The following S100Z variants were observed in gnomAD, a reference collection of about 807,000 sequenced individuals.
S100Z encodes the protein S100 calcium binding protein Z, also known as protein S100-Z.
Under a neutral mutation model 8.5 loss-of-function variants are expected in S100Z, and 11 were observed. The ratio of observed to expected loss-of-function variants is 1.30; its 90% CI spans 0.82 to 2.15. The LOEUF is 2.15. Ranked by LOEUF, S100Z falls within the 30% of genes most tolerant of loss-of-function variation. The pLI is 0.00. For missense variants in S100Z, 126 were observed against 117.9 expected (o/e 1.07, Z -0.32); for synonymous variants, 34 against 43.8 (o/e 0.78, Z 0.89).
intron 3 of S100Z, 31 bp downstream of exon 3, chr5:76,875,531 AT>A: frequency 6.3e-7 from 1 of 1,577,188 alleles, no homozygotes. Context: ...TGCTGTATTC[AT>A]TTGAGGGTAG....
chr5:76,921,177 AT>A lies in S100Z; in HGVS notation c.*464del, dbSNP rs1243424244. On this transcript the variant is annotated 3_prime_UTR_variant, in exon 5 of 5. Transcript: ENST00000317593. The stretch of plus-strand genomic sequence containing the variant: ...CATAAAAATGAGATTACACCAAAAA[AT>A]ATCTTTTGTTATCTATATAGTTCCA... The A allele has an allele frequency of 1.3e-5, 2 of 152,178 alleles. No homozygotes were observed. Among genetic ancestry groups the A allele is most frequent in the Non-Finnish European group, 2.9e-5 (2 of 68,024 alleles). 9.4% of individuals were successfully genotyped at this position (152,178 alleles called of 1,614,324 possible).
intron 1 of S100Z, among the ~76,000 whole-genome samples, chr5:76,853,965 T>C (rs1750805083): frequency 6.6e-6 from 1 of 152,064 alleles, no homozygotes; most frequent in African/African-American, 2.4e-5. Context: ...GTTTGAAAGA[T>C]CTTTCTTTCT....
At position 76,859,503 on chromosome 5, in the gene S100Z, G is replaced by A. The variant is rs549336646; in HGVS notation, c.-176+9348G>A. Among the ~76,000 whole-genome samples, 46 of 152,090 alleles carry A rather than the reference G, an allele frequency of 3.0e-4. No individual in the cohort carries two copies. The Middle Eastern group carries it at 0.014, about 45-fold the overall frequency. ...CTGTTTAAAGTGAGAAGCCTCGGCC[G>A]GGGGCAGTGGCTCACGTCTGTAATC... is the stretch of plus-strand genomic sequence containing the variant. On this transcript the variant is annotated intron_variant, in intron 1 of 4. Coordinates refer to ENST00000317593, the MANE Select transcript of S100Z (RefSeq NM_130772.4).
Position 76,885,593 on chromosome 5 carries a change from T to C in S100Z, c.*2+7759T>C, listed in dbSNP as rs112278255. On this transcript the variant is annotated intron_variant, in intron 4 of 4. Transcript: ENST00000317593. ...GTAGGAACGGGTTGGGAGGTGCTTG[T>C]CCCCCAGGAAAGTGGGAATGGGGTG... is the stretch of plus-strand genomic sequence containing the variant. 4.6e-5 allele frequency among the ~76,000 whole-genome samples: 4 copies of C among 87,904 alleles called. 1 individual carries two copies. Among genetic ancestry groups the C allele is most frequent in the African/African-American group, 1.7e-4 (4 of 23,126 alleles). 57.7% of individuals were successfully genotyped at this position (87,904 alleles called of 152,430 possible).
intron 4 of S100Z, among the ~76,000 whole-genome samples, chr5:76,884,023 G>GA (rs145287185): frequency 1.5e-4 from 2 of 13,624 alleles, no homozygotes; most frequent in African/African-American, 3.4e-3. Context: ...ACACCTTGAA[G>GA]CGAGGTTAAT....
In S100Z at chr5:76,920,913, C is replaced by T. The variant is rs1268332601; in HGVS notation, c.*199C>T. 2 of 152,180 alleles carry T rather than the reference C, an allele frequency of 1.3e-5. No individual in the cohort carries two copies. The highest frequency in any genetic ancestry group is 1.5e-5 in the Non-Finnish European group (1 of 68,040). 9.4% of individuals were successfully genotyped at this position (152,180 alleles called of 1,614,324 possible). A position where few individuals can be genotyped will look rare whatever the true frequency, so the allele number is the denominator to read the frequency against. On this transcript the variant is annotated 3_prime_UTR_variant, in exon 5 of 5. Transcript: ENST00000317593. ...GTAAGGAGCAGTGAGGAAGTGTCTA[C>T]AGCAACCTCAGCCAATGTGATGTGC...
intron 2 of S100Z, among the ~76,000 whole-genome samples, chr5:76,871,865 T>C (rs55863251): frequency 0.67 from 102,702 of 152,154 alleles, 35,517 homozygotes; most frequent in African/African-American, 0.83. Flanking sequence ...GTAAGCCCCA[T>C]ACCCCTGCCT....
Position 76,885,044 on chromosome 5 carries a change from A to T in S100Z, c.*2+7210A>T, listed in dbSNP as rs145616758. 1.3e-3 allele frequency among the ~76,000 whole-genome samples: 202 copies of T among 152,334 alleles called. 2 individuals carry two copies. Among genetic ancestry groups the T allele is most frequent in the African/African-American group, 4.5e-3 (188 of 41,580 alleles). Reference sequence around the variant, plus strand: ...TTGACAAAAATTGTCTAGATCTCATAGGATGGAGAAATCATAAGTGCCGTT... The same window carrying T: ...TTGACAAAAATTGTCTAGATCTCATTGGATGGAGAAATCATAAGTGCCGTT... On this transcript the variant is annotated intron_variant, in intron 4 of 4. Coordinates refer to ENST00000317593, the MANE Select transcript of S100Z (RefSeq NM_130772.4).
chr5:76,853,788 C>T (rs1240146692), intron 1 of S100Z, among the ~76,000 whole-genome samples: 1 of 148,990 alleles, frequency 6.7e-6, no homozygotes, highest in African/African-American at 2.5e-5. Flanking sequence ...CAGTGCAAGA[C>T]TCCATCTTAA....
chr5:76,896,074 T>C (rs1189313851), intron 4 of S100Z, among the ~76,000 whole-genome samples: 1 of 152,098 alleles, frequency 6.6e-6, no homozygotes, highest in Non-Finnish European at 1.5e-5. Flanking sequence ...TATACAGTTA[T>C]TTTATTATTG....
chr5:76,865,883 C>T (rs1332768952), intron 1 of S100Z, among the ~76,000 whole-genome samples: 4 of 150,454 alleles, frequency 2.7e-5, no homozygotes, highest in East Asian at 4.1e-4. Flanking sequence ...GGTGTGGTGG[C>T]GGGTGCCTGT....
intron 4 of S100Z, among the ~76,000 whole-genome samples, chr5:76,913,439 GT>G (rs1417321873): frequency 2.0e-5 from 3 of 152,230 alleles, no homozygotes; most frequent in Non-Finnish European, 4.4e-5. Context: ...CCTGCGAGCT[GT>G]TTGCACTCAG....
intron 4 of S100Z, among the ~76,000 whole-genome samples, chr5:76,887,553 A>T (rs904703978): frequency 2.6e-5 from 4 of 151,572 alleles, no homozygotes; most frequent in African/African-American, 9.7e-5. Context: ...GCACACCACC[A>T]CGCCTGGCTA....
At chr5:76,866,592 C>T (rs994680455) in intron 1 of S100Z, among the ~76,000 whole-genome samples, 2 of 152,144 alleles carry the variant, frequency 1.3e-5, no homozygotes, top group African/African-American at 4.8e-5. Context: ...ATCTTTTATA[C>T]ATATTTTTAC....
chr5:76,903,159 C>G lies in S100Z; in HGVS notation c.*3-17558C>G, dbSNP rs550927682. 1.2e-4 allele frequency among the ~76,000 whole-genome samples: 18 copies of G among 152,282 alleles called. No individual in the cohort carries two copies. The South Asian group carries it at 1.7e-3, about 14-fold the overall frequency. On this transcript the variant is annotated intron_variant, in intron 4 of 4. Coordinates refer to ENST00000317593, the MANE Select transcript of S100Z (RefSeq NM_130772.4). ...CTGAGATCATGCCACTGCACTCCAG[C>G]CTGGGTGAAGAGTAAGACTCCATCT...
chr5:76,882,739 C>T (rs1003172507), intron 4 of S100Z, among the ~76,000 whole-genome samples: 9 of 152,228 alleles, frequency 5.9e-5, no homozygotes, highest in East Asian at 3.9e-4. Context: ...GGGGGCTGTC[C>T]GTGAAGCCTT....
In S100Z at chr5:76,898,809, T is replaced by C. The variant is rs528016187; in HGVS notation, c.*2+20975T>C. 1.0e-3 allele frequency among the ~76,000 whole-genome samples: 157 copies of C among 152,292 alleles called. 1 individual carries two copies. Among genetic ancestry groups the C allele is most frequent in the Non-Finnish European group, 1.6e-3 (108 of 68,020 alleles). On this transcript the variant is annotated intron_variant, in intron 4 of 4. Coordinates refer to ENST00000317593, the MANE Select transcript of S100Z (RefSeq NM_130772.4). The stretch of plus-strand genomic sequence containing the variant: ...TGGTATCAGGGTAATATGGGCCTCA[T>C]AGAATTAGTTTAGGAGTGTTTCCTC...
chr5:76,943,267 A>G, the S100Z span, among the ~76,000 whole-genome samples: 8 of 152,252 alleles, frequency 5.3e-5, no homozygotes, highest in East Asian at 1.4e-3. Context: ...TGGTCTCTCC[A>G]TGTGACCTCT....
intron 1 of S100Z, among the ~76,000 whole-genome samples, chr5:76,866,778 C>G (rs1742748587): frequency 1.3e-5 from 2 of 152,136 alleles, no homozygotes; most frequent in African/African-American, 4.8e-5. Context: ...CTATGATGTT[C>G]ACACAATGAC....
Sources: gnomAD v4.1 joint callset for allele counts (sites outside exome capture counted in the v4.1 genomes callset) on GRCh38, gnomAD v4.1.1 for gene constraint, MANE v1.5 for transcripts, NCBI Gene and HGNC (gene_info 2026-07-23, HGNC 2026-07-21) for gene names.